Variants in KLHL2 observed in about 807,000 individuals in gnomAD.
The protein encoded by KLHL2 is kelch like family member 2, also known as kelch-like protein 2.
In KLHL2, 15 loss-of-function variants were observed where a neutral mutation model predicts 75.8. The ratio of observed to expected loss-of-function variants is 0.20; its 90% confidence interval spans 0.13 to 0.30. The LOEUF (loss-of-function observed/expected upper bound fraction) is 0.30, where lower values mean the gene tolerates loss of function less well. Ranked by LOEUF, KLHL2 falls within the 10% of genes least tolerant of loss-of-function variation. The pLI is 1.00. For synonymous variants in KLHL2, 214 were observed against 251.9 expected (o/e 0.85, Z 1.42); for missense variants, 381 against 741.0 (o/e 0.51, Z 5.64).
intron 4 of KLHL2, among the ~76,000 whole-genome samples, chr4:165,254,867 C>G (rs1334819188): frequency 3.3e-5 from 5 of 152,156 alleles, no homozygotes; most frequent in Non-Finnish European, 7.3e-5. Context: ...TGTGAATGAT[C>G]TGGGATAAAA....
intron 9 of KLHL2, among the ~76,000 whole-genome samples, chr4:165,307,036 G>A (rs1023563416): frequency 1.3e-5 from 2 of 152,160 alleles, no homozygotes; most frequent in East Asian, 1.9e-4. Context: ...GGGGCCAGGC[G>A]CAGTGGGTCA....
intron 2 of KLHL2, among the ~76,000 whole-genome samples, chr4:165,221,039 T>TC (rs1250392773): frequency 6.6e-6 from 1 of 152,250 alleles, no homozygotes; most frequent in African/African-American, 2.4e-5. Context: ...GATTAAACCT[T>TC]CCCTTAATCT....
intron 1 of KLHL2, chr4:165,210,005 C>A: frequency 6.6e-7 from 1 of 1,508,534 alleles, no homozygotes. Context: ...TAGGAAGGAA[C>A]TTTACCGGGC....
chr4:165,289,068 G>A (rs566643276), intron 5 of KLHL2, among the ~76,000 whole-genome samples: 1 of 152,234 alleles, frequency 6.6e-6, no homozygotes, highest in South Asian at 2.1e-4. Flanking sequence ...GCCTTAGAGT[G>A]ACTTTGCCAG....
chr4:165,217,916 C>A (rs1737661502), intron 1 of KLHL2, among the ~76,000 whole-genome samples: 1 of 152,208 alleles, frequency 6.6e-6, no homozygotes, highest in Non-Finnish European at 1.5e-5. Context: ...TTTCCACCTG[C>A]AGCCTTCTTC....
chr4:165,313,927 A>G (rs1560832720), intron 12 of KLHL2, 99 bp from the exon 13 acceptor site: 2 of 1,240,332 alleles, frequency 1.6e-6, no homozygotes, highest in Admixed American at 2.5e-5. Flanking sequence ...TATGAATTAT[A>G]ACTTCGAAAG....
chr4:165,306,461 T>C (rs554555766), intron 9 of KLHL2, among the ~76,000 whole-genome samples: 1 of 152,360 alleles, frequency 6.6e-6, no homozygotes, highest in East Asian at 1.9e-4. Context: ...AAATCTCTTA[T>C]ACATACATCA....
rs967657513 is a variant in KLHL2, at chr4:165,314,180, T to C, written c.1609+14T>C. ...GAAGAAATGCAGGTATCTGTCAGTT[T>C]AAGGTTATAAAACTTATGTTGAATT... On this transcript the variant is annotated intron_variant, in intron 13 of 14. Coordinates refer to ENST00000226725, the MANE Select transcript of KLHL2 (RefSeq NM_007246.4). The C allele has an allele frequency of 4.4e-6, 7 of 1,606,522 alleles. No individual in the cohort carries two copies. In the African/African-American group the frequency reaches 8.1e-5, roughly 18 times the overall value.
chr4:165,230,141 C>T (rs1178630918), intron 3 of KLHL2, among the ~76,000 whole-genome samples: 1 of 152,166 alleles, frequency 6.6e-6, no homozygotes, highest in African/African-American at 2.4e-5. Flanking sequence ...TCATTTACAT[C>T]TTATTTATTA....
At chr4:165,211,188 A>G (rs924660045) in intron 1 of KLHL2, among the ~76,000 whole-genome samples, 5 of 152,244 alleles carry the variant, frequency 3.3e-5, no homozygotes, top group African/African-American at 1.2e-4. Flanking sequence ...GAAAAAAACA[A>G]TTGAAGTCTA....
intron 11 of KLHL2, 147 bp downstream of exon 11, chr4:165,311,712 T>C (rs905399424): frequency 2.6e-5 from 17 of 645,328 alleles, no homozygotes; most frequent in Non-Finnish European, 3.9e-5. Context: ...ATTTCAGTTA[T>C]CCTCTTTTTA....
At chr4:165,274,928 C>T (rs1451882241) in intron 5 of KLHL2, among the ~76,000 whole-genome samples, 7 of 143,260 alleles carry the variant, frequency 4.9e-5, no homozygotes, top group African/African-American at 1.5e-4. Flanking sequence ...GAGATGCTCT[C>T]GTGGCTTCAG....
At chr4:165,242,967 C>T (rs1175489003) in intron 4 of KLHL2, among the ~76,000 whole-genome samples, 2 of 152,046 alleles carry the variant, frequency 1.3e-5, no homozygotes, top group Non-Finnish European at 2.9e-5. Context: ...TAGGTGTTAC[C>T]CCAATGTGAT....
At chr4:165,303,709 C>T (rs796800247) in intron 8 of KLHL2, among the ~76,000 whole-genome samples, 35 of 151,444 alleles carry the variant, frequency 2.3e-4, no homozygotes, top group Non-Finnish European at 3.7e-4. Context: ...ATTACAGGCA[C>T]GCACTATCAT....
In KLHL2 at chr4:165,299,492, G is replaced by T; in HGVS notation, c.772-15G>T. 2 of 1,596,008 alleles carry T rather than the reference G, an allele frequency of 1.3e-6. No individual in the cohort carries two copies. Among genetic ancestry groups the T allele is most frequent in the South Asian group, 1.1e-5 (1 of 88,310 alleles). ...AGCCCTACCCTCAGTGGGTGTGTCT[G>T]ATTTCTTGTTACAGAGGGTTGAAGA... On this transcript the variant is annotated splice_polypyrimidine_tract_variant and intron_variant, in intron 7 of 14. Coordinates refer to ENST00000226725, the MANE Select transcript of KLHL2 (RefSeq NM_007246.4).
At chr4:165,293,046 C>T (rs1232448326) in intron 5 of KLHL2, among the ~76,000 whole-genome samples, 6 of 152,144 alleles carry the variant, frequency 3.9e-5, no homozygotes, top group Admixed American at 6.5e-5. Flanking sequence ...AGGGAAATTA[C>T]GTTAACTGCC....
chr4:165,266,411 A>G (rs1314043501), intron 5 of KLHL2, among the ~76,000 whole-genome samples: 3 of 152,158 alleles, frequency 2.0e-5, no homozygotes, highest in African/African-American at 7.2e-5. Context: ...TATGTCCTGA[A>G]TGGTATTGCC....
chr4:165,273,291 G>A (rs1417769409), intron 5 of KLHL2, among the ~76,000 whole-genome samples: 1 of 152,090 alleles, frequency 6.6e-6, no homozygotes, highest in Non-Finnish European at 1.5e-5. Context: ...CAATTGTCAT[G>A]CTTTACCTAT....
rs1037547600 is a variant in KLHL2, at chr4:165,303,497, C to CCCCCCCT, written c.922-2106_922-2105insCTCCCCC. The stretch of plus-strand genomic sequence containing the variant: ...ATTCTGTAATTTTTACAACCTTGCC[C>CCCCCCCT]CCCCCGCCGTTTTTGGGTGGTCAGA... On this transcript the variant is annotated intron_variant, in intron 8 of 14. Coordinates refer to ENST00000226725, the MANE Select transcript of KLHL2 (RefSeq NM_007246.4). 1.4e-5 allele frequency among the ~76,000 whole-genome samples: 2 copies of CCCCCCCT among 143,874 alleles called. 1 individual carries two copies. Among genetic ancestry groups the CCCCCCCT allele is most frequent in the Non-Finnish European group, 3.2e-5 (2 of 63,044 alleles). 94.4% of individuals were successfully genotyped at this position (143,874 alleles called of 152,430 possible). A position where few individuals can be genotyped will look rare whatever the true frequency, so the allele number is the denominator to read the frequency against.
Sources: gnomAD v4.1 joint callset for allele counts (sites outside exome capture counted in the v4.1 genomes callset) on GRCh38, gnomAD v4.1.1 for gene constraint, MANE v1.5 for transcripts, NCBI Gene and HGNC (gene_info 2026-07-23, HGNC 2026-07-21) for gene names.